The following CLDND1 variants were observed in gnomAD, a reference collection of about 807,000 sequenced individuals.
CLDND1 encodes claudin domain containing 1.
A neutral mutation model predicts 26.3 loss-of-function variants in CLDND1; 13 were observed. The ratio of observed to expected loss-of-function variants is 0.49; its 90% CI spans 0.32 to 0.78. CLDND1 has a LOEUF of 0.78. Among genes scored for constraint, CLDND1 ranks in the 30% least tolerant of loss-of-function variants. The probability of loss-of-function intolerance (pLI) is 0.03; values close to 1 mark genes in which losing one functional copy is unlikely to be tolerated. For missense variants in CLDND1, 289 were observed against 312.8 expected (o/e 0.92, Z 0.57); for synonymous variants, 107 against 107.0 (o/e 1.00, Z 0.00).
intron 1 of CLDND1, chr3:98,522,511 TCCC>T: frequency 1.6e-6 from 2 of 1,213,100 alleles, no homozygotes; most frequent in Non-Finnish European, 2.1e-6. Flanking sequence ...TTTTTAAAAA[TCCC>T]CCCTTCATCC....
chr3:98,522,447 G>C, intron 1 of CLDND1: 1 of 801,520 alleles, frequency 1.2e-6, no homozygotes, highest in African/African-American at 1.8e-5. Flanking sequence ...AGTGACTCAG[G>C]AAAGATAAGA....
chr3:98,519,573 C>T (rs1190047307), intron 2 of CLDND1, among the ~76,000 whole-genome samples: 1 of 152,230 alleles, frequency 6.6e-6, no homozygotes, highest in Non-Finnish European at 1.5e-5. Context: ...TGTCTGCTGC[C>T]TCTGTTCTCA....
chr3:98,515,943 C>A lies in CLDND1; in HGVS notation c.*716G>T. Reference sequence around the variant, plus strand: ...TATGTGAAGAGGAAAGAAAAAAAATCCAAAACAATTTGGTGGTACTGAAAA... The same window carrying A: ...TATGTGAAGAGGAAAGAAAAAAAATACAAAACAATTTGGTGGTACTGAAAA... On this transcript the variant is annotated 3_prime_UTR_variant, in exon 5 of 5. Coordinates refer to ENST00000341181, the MANE Select transcript of CLDND1 (RefSeq NM_001040181.2). The A allele has an allele frequency of 2.5e-6, 3 of 1,207,240 alleles. No homozygotes were observed. Among genetic ancestry groups the A allele is most frequent in the Admixed American group, 2.9e-5 (1 of 33,976 alleles). 74.8% of individuals were successfully genotyped at this position (1,207,240 alleles called of 1,614,324 possible). A position where few individuals can be genotyped will look rare whatever the true frequency, so the allele number is the denominator to read the frequency against.
chr3:98,519,403 T>C (rs1401053536), intron 2 of CLDND1, among the ~76,000 whole-genome samples: 2 of 152,240 alleles, frequency 1.3e-5, no homozygotes, highest in Non-Finnish European at 2.9e-5. Flanking sequence ...GTAATTCTTG[T>C]ACATTTACAC....
Position 98,519,099 on chromosome 3 carries a change from G to T in CLDND1, c.293-104C>A. 4.3e-6 allele frequency: 3 copies of T among 693,624 alleles called. No homozygotes were observed. The South Asian group carries it at 5.6e-5, about 13-fold the overall frequency. 43.0% of individuals were successfully genotyped at this position (693,624 alleles called of 1,614,324 possible). On this transcript the variant is annotated intron_variant, in intron 2 of 4. Coordinates refer to ENST00000341181, the MANE Select transcript of CLDND1 (RefSeq NM_001040181.2). The stretch of plus-strand genomic sequence containing the variant: ...AAAACAGTAAAGGATGTTTCCAGAG[G>T]GGTCAGCAACTTCTCTGGCCCTGAC...
intron 3 of CLDND1, 185 bp from the exon 4 acceptor site, chr3:98,517,374 A>G: frequency 1.5e-6 from 1 of 651,036 alleles, no homozygotes; most frequent in Non-Finnish European, 2.6e-6. Context: ...ATAAAAGTAA[A>G]AGGACACTAA....
At chr3:98,516,982 A>T (rs1357400459) in intron 4 of CLDND1, 70 bp downstream of exon 4, 1 of 1,607,590 alleles carries the variant, frequency 6.2e-7, no homozygotes, top group East Asian at 2.2e-5. Context: ...TGAACATTTC[A>T]GATTTATAAC....
chr3:98,521,213 T>C lies in CLDND1; in HGVS notation c.212A>G (p.Tyr71Cys). ...EKTYNDALFR[Y>C]NGTVGLWRRC... The stretch of plus-strand genomic sequence containing the variant: ...TCTCCACAATCCCACTGTGCCATTG[T>C]ATCGAAAAAGTGCATCATTATAAGT... Residue 71 changes from tyrosine (Y) to cysteine (C), a missense_variant, in exon 2 of 5, where the codon TAC becomes TGC. Coordinates refer to ENST00000341181, the MANE Select transcript of CLDND1 (RefSeq NM_001040181.2). 1 of 1,614,244 alleles carries C rather than the reference T, an allele frequency of 6.2e-7. No homozygotes were observed. Among genetic ancestry groups the C allele is most frequent in the African/African-American group, 1.3e-5 (1 of 75,074 alleles).
chr3:98,515,958 G>T lies in CLDND1; in HGVS notation c.*701C>A. The T allele has an allele frequency of 8.2e-7, 1 of 1,212,704 alleles. No individual in the cohort carries two copies. The allele number at this position is 1,212,704 out of a possible 1,614,324, so 75.1% of individuals were successfully genotyped here. A position where few individuals can be genotyped will look rare whatever the true frequency, so the allele number is the denominator to read the frequency against. On this transcript the variant is annotated 3_prime_UTR_variant, in exon 5 of 5. Transcript: ENST00000341181. Reference sequence around the variant, plus strand: ...GAAAAAAAATCCAAAACAATTTGGTGGTACTGAAAATCTTACGGAGAGTTA... The same window carrying T: ...GAAAAAAAATCCAAAACAATTTGGTTGTACTGAAAATCTTACGGAGAGTTA...
rs773032386 is a variant in CLDND1 at position 98,518,907 on chromosome 3, G to A, written c.381C>T (p.Ser127=). The A allele has an allele frequency of 1.5e-5, 24 of 1,610,022 alleles. No individual in the cohort carries two copies. Among genetic ancestry groups the A allele is most frequent in the Middle Eastern group, 1.6e-4 (1 of 6,080 alleles). Residue 127 remains serine (S), a synonymous_variant, in exon 3 of 5, where the codon AGC becomes AGT. Transcript: ENST00000341181. ...CACAGGTCCTAAGGAGATCAATCCC[G>A]CTATTGTGGTTTCCGGGATCAACAA... ...EKFVDPGNHN[S]GIDLLRTYLW...
chr3:98,521,652 C>T (rs1390422288), intron 1 of CLDND1: 2 of 1,610,154 alleles, frequency 1.2e-6, no homozygotes, highest in African/African-American at 2.7e-5. Flanking sequence ...TGCTCACATA[C>T]CCAGGATGCT....
chr3:98,519,478 C>A (rs778178835), intron 2 of CLDND1, among the ~76,000 whole-genome samples: 2 of 152,210 alleles, frequency 1.3e-5, no homozygotes, highest in Admixed American at 6.5e-5. Flanking sequence ...CTGCTCAGTG[C>A]TACCATTCTG....
At chr3:98,518,491 C>G (rs145056236) in intron 3 of CLDND1, among the ~76,000 whole-genome samples, 326 of 152,320 alleles carry the variant, frequency 2.1e-3, no homozygotes, top group African/African-American at 7.4e-3. Flanking sequence ...TGACAACTCA[C>G]TGACTCATTT....
chr3:98,522,557 C>G, intron 1 of CLDND1: 1 of 1,358,874 alleles, frequency 7.4e-7, no homozygotes. Context: ...AGGGTCCCAG[C>G]ACTGGGAACG....
At chr3:98,518,300 T>C (rs1352601726) in intron 3 of CLDND1, among the ~76,000 whole-genome samples, 1 of 152,196 alleles carries the variant, frequency 6.6e-6, no homozygotes, top group Non-Finnish European at 1.5e-5. Flanking sequence ...TCTTACAACA[T>C]GGTCATTCTT....
At chr3:98,522,464 A>G in intron 1 of CLDND1, 1 of 980,314 alleles carries the variant, frequency 1.0e-6, no homozygotes, top group Non-Finnish European at 1.3e-6. Context: ...AAGAGCAATG[A>G]CAACGAAAAC....
At chr3:98,518,536 C>T (rs549327365) in intron 3 of CLDND1, among the ~76,000 whole-genome samples, 2 of 152,142 alleles carry the variant, frequency 1.3e-5, no homozygotes, top group Admixed American at 1.3e-4. Flanking sequence ...CATATACTTA[C>T]CTGAACTCAA....
rs755869773 is a variant in CLDND1, at chr3:98,517,122, G to A, written c.471C>T (p.Ile157=). 7.4e-6 allele frequency: 12 copies of A among 1,614,010 alleles called. No individual in the cohort carries two copies. Among genetic ancestry groups the A allele is most frequent in the South Asian group, 5.5e-5 (5 of 91,088 alleles). The change falls in exon 4 of 5, where the codon ATC becomes ATT. Residue 157 remains isoleucine (I), a synonymous_variant. Transcript: ENST00000341181. ...TTCGGCAAATGCAAGCACAAAGTCC[G>A]ATCAAAGCCCCAAAGCACATCAAAC... ...SLGLMCFGAL[I]GLCACICRSL... is the part of the protein sequence containing the mutation.
In CLDND1 at chr3:98,519,089, G is replaced by A. The variant is rs1222120905; in HGVS notation, c.293-94C>T. ...TCTCTGAAGTAAAACAGTAAAGGAT[G>A]TTTCCAGAGGGGTCAGCAACTTCTC... On this transcript the variant is annotated intron_variant, in intron 2 of 4. Transcript: ENST00000341181. The A allele has an allele frequency of 1.6e-5, 12 of 740,538 alleles. No individual in the cohort carries two copies. The East Asian group carries it at 3.0e-4, about 18-fold the overall frequency. The allele number at this position is 740,538 out of a possible 1,614,324, so 45.9% of individuals were successfully genotyped here.
Sources: allele counts gnomAD v4.1 joint callset (sites outside exome capture counted in the v4.1 genomes callset), GRCh38; gene constraint gnomAD v4.1.1; transcripts MANE v1.5; gene names NCBI Gene and HGNC (gene_info 2026-07-23, HGNC 2026-07-21).